Variants in TOM1L2 observed in about 807,000 individuals in gnomAD.
TOM1L2 encodes the protein TOM1-like protein 2.
In TOM1L2, 31 loss-of-function variants were observed where a neutral mutation model predicts 67.9. The observed-to-expected ratio is 0.46, with a 90% confidence interval of 0.34 to 0.62. TOM1L2 has a LOEUF of 0.62. Among genes scored for constraint, TOM1L2 ranks in the 20% least tolerant of loss-of-function variants. TOM1L2 has a pLI of 0.01. For missense variants in TOM1L2, 606 were observed against 663.5 expected, an observed-to-expected ratio of 0.91 and a Z score of 0.95; for synonymous variants, 256 against 254.0, an observed-to-expected ratio of 1.01 and a Z score of -0.07.
At chr17:17,929,034 T>C (rs2040215275) in intron 1 of TOM1L2, among the ~76,000 whole-genome samples, 1 of 152,226 alleles carries the variant, frequency 6.6e-6, no homozygotes, top group African/African-American at 2.4e-5. Context: ...CTATGGTTCC[T>C]AATACCAAGT....
At chr17:17,905,937 G>C (rs1358920088) in intron 2 of TOM1L2, among the ~76,000 whole-genome samples, 3 of 151,818 alleles carry the variant, frequency 2.0e-5, no homozygotes, top group Non-Finnish European at 4.4e-5. Context: ...CTCTGCTCCG[G>C]GCCCATTAGC....
intron 1 of TOM1L2, among the ~76,000 whole-genome samples, chr17:17,970,887 A>G (rs1011321475): frequency 1.3e-5 from 2 of 152,208 alleles, no homozygotes; most frequent in African/African-American, 2.4e-5. Flanking sequence ...CAGTCCTTCA[A>G]CCAACCAGGA....
chr17:17,897,809 C>T (rs192236847), intron 3 of TOM1L2, among the ~76,000 whole-genome samples: 13 of 152,140 alleles, frequency 8.5e-5, no homozygotes, highest in African/African-American at 2.6e-4. Context: ...ATCATCTGTA[C>T]GGGGGAGGAT....
At chr17:17,950,755 T>G (rs966150206) in intron 1 of TOM1L2, among the ~76,000 whole-genome samples, 1 of 152,180 alleles carries the variant, frequency 6.6e-6, no homozygotes, top group Non-Finnish European at 1.5e-5. Context: ...AAAGAAAATG[T>G]GCCCAAGTAA....
intron 4 of TOM1L2, among the ~76,000 whole-genome samples, chr17:17,886,969 C>T (rs2038029942): frequency 6.6e-6 from 1 of 152,370 alleles, no homozygotes; most frequent in South Asian, 2.1e-4. Context: ...GGCCATGTGC[C>T]AGCACAGGAC....
At chr17:17,852,830 A>C (rs1207463631) in intron 12 of TOM1L2, among the ~76,000 whole-genome samples, 2 of 142,264 alleles carry the variant, frequency 1.4e-5, no homozygotes, top group Admixed American at 7.7e-5. Context: ...ACGCCATTGC[A>C]CTCCACCCTG....
chr17:17,933,262 A>G (rs958839103), intron 1 of TOM1L2, among the ~76,000 whole-genome samples: 1 of 152,200 alleles, frequency 6.6e-6, no homozygotes, highest in Non-Finnish European at 1.5e-5. Flanking sequence ...AGAACACGAA[A>G]GGGCCAAAGG....
chr17:17,877,686 G>A (rs886269107), intron 7 of TOM1L2, among the ~76,000 whole-genome samples: 2 of 152,098 alleles, frequency 1.3e-5, no homozygotes, highest in African/African-American at 4.8e-5. Flanking sequence ...GTTGCTGGAA[G>A]GACAGCCTCC....
chr17:17,958,453 A>C (rs1458105272), intron 1 of TOM1L2, among the ~76,000 whole-genome samples: 4 of 152,238 alleles, frequency 2.6e-5, no homozygotes, highest in Non-Finnish European at 4.4e-5. Context: ...CCCAGTCAAA[A>C]ACAGGAGACT....
chr17:17,873,007 G>C (rs1368457059), intron 7 of TOM1L2, among the ~76,000 whole-genome samples: 2 of 152,170 alleles, frequency 1.3e-5, no homozygotes, highest in African/African-American at 4.8e-5. Context: ...AGCACCTAAG[G>C]CCCACAGGCC....
intron 4 of TOM1L2, among the ~76,000 whole-genome samples, chr17:17,889,769 G>T (rs1568178233): frequency 6.6e-6 from 1 of 152,126 alleles, no homozygotes; most frequent in East Asian, 1.9e-4. Context: ...TTCCTGGCTG[G>T]GCCCTCACCC....
At chr17:17,965,721 T>A (rs2041849211) in intron 1 of TOM1L2, among the ~76,000 whole-genome samples, 1 of 152,196 alleles carries the variant, frequency 6.6e-6, no homozygotes, top group South Asian at 2.1e-4. Context: ...ATAATCACAG[T>A]ACCTTCCTCA....
chr17:17,891,438 G>A (rs2038267194), intron 4 of TOM1L2, among the ~76,000 whole-genome samples: 1 of 152,212 alleles, frequency 6.6e-6, no homozygotes, highest in South Asian at 2.1e-4. Context: ...AGGGCAGGGT[G>A]TGCGGGGACA....
chr17:17,856,966 A>AT (rs1341650418), intron 12 of TOM1L2, among the ~76,000 whole-genome samples: 15 of 151,982 alleles, frequency 9.9e-5, no homozygotes, highest in Non-Finnish European at 1.5e-4. Context: ...TTATTTTTTT[A>AT]TTTTTTTGAG....
At chr17:17,865,169 A>C (rs758794418) in intron 10 of TOM1L2, among the ~76,000 whole-genome samples, 17 of 152,232 alleles carry the variant, frequency 1.1e-4, no homozygotes, top group Non-Finnish European at 2.2e-4. Context: ...GTTTCTTTTA[A>C]GTTCCAGACA....
At chr17:17,967,671 G>C (rs917874751) in intron 1 of TOM1L2, among the ~76,000 whole-genome samples, 1 of 152,032 alleles carries the variant, frequency 6.6e-6, no homozygotes, top group Non-Finnish European at 1.5e-5. Flanking sequence ...CAAATGGCAC[G>C]ATCTCGGCTC....
At chr17:17,956,660 C>A (rs181008987) in intron 1 of TOM1L2, among the ~76,000 whole-genome samples, 494 of 152,354 alleles carry the variant, frequency 3.2e-3, no homozygotes, top group African/African-American at 0.011. Context: ...TGAGACCCGG[C>A]GAGAATTCCA....
chr17:17,848,683 C>T, intron 14 of TOM1L2, 140 bp downstream of exon 14: 1 of 869,350 alleles, frequency 1.2e-6, no homozygotes, highest in Non-Finnish European at 1.8e-6. Context: ...GGGACAAAGC[C>T]ACCCGTGAAG....
chr17:17,950,999 G>C (rs1205577879), intron 1 of TOM1L2, among the ~76,000 whole-genome samples: 1 of 152,126 alleles, frequency 6.6e-6, no homozygotes, highest in East Asian at 1.9e-4. Flanking sequence ...TCCCCACTAG[G>C]GGGAAGATCC....
Sources: allele counts gnomAD v4.1 joint callset (sites outside exome capture counted in the v4.1 genomes callset), GRCh38; gene constraint gnomAD v4.1.1; transcripts MANE v1.5; gene names NCBI Gene and HGNC (gene_info 2026-07-23, HGNC 2026-07-21).